The following PCNX1 variants were observed in gnomAD, a reference collection of about 807,000 sequenced individuals.
PCNX1 encodes pecanex-like protein 1.
In PCNX1, 78 loss-of-function variants were observed where a neutral mutation model predicts 242.2. The ratio of observed to expected loss-of-function variants is 0.32; its 90% CI spans 0.27 to 0.39. PCNX1 has a LOEUF of 0.39. Ranked by LOEUF, PCNX1 falls within the 10% of genes least tolerant of loss-of-function variation. The pLI is 1.00. For missense variants in PCNX1, 2,581 were observed against 2,856.5 expected (o/e 0.90, Z 2.20); for synonymous variants, 1,024 against 1,032.9 (o/e 0.99, Z 0.17).
intron 3 of PCNX1, 43 bp downstream of exon 3, chr14:70,962,374 T>C: frequency 9.9e-7 from 1 of 1,007,166 alleles, no homozygotes; most frequent in South Asian, 1.3e-5. Flanking sequence ...TCCCTCCTCC[T>C]GATGGTGGTC....
intron 16 of PCNX1, among the ~76,000 whole-genome samples, chr14:71,030,638 G>A (rs1279918973): frequency 6.6e-6 from 1 of 151,998 alleles, no homozygotes; most frequent in Non-Finnish European, 1.5e-5. Context: ...CAATCAAGAT[G>A]TTTCTTTTAA....
At chr14:70,923,405 T>C (rs1787063521) in intron 1 of PCNX1, among the ~76,000 whole-genome samples, 1 of 152,228 alleles carries the variant, frequency 6.6e-6, no homozygotes, top group Admixed American at 6.5e-5. Context: ...TTAAAGATTT[T>C]TTTAAAATTC....
At position 71,109,579 on chromosome 14, in the gene PCNX1, G is replaced by T. The variant is rs773003526; in HGVS notation, c.6872G>T (p.Gly2291Val). Residue 2291 changes from glycine (G) to valine (V), a missense_variant, in exon 35 of 36, where the codon GGC becomes GTC. By Grantham distance (109) the Gly-to-Val change is moderately radical. Transcript: ENST00000304743. ...NSWKDWSPQE[G>V]MEGHVIHRWV... is the part of the protein sequence containing the mutation. ...TGGAAAGACTGGAGTCCGCAGGAGG[G>T]CATGGAAGGCCATGTAAGTTCTTTT... 1.2e-6 allele frequency: 2 copies of T among 1,614,142 alleles called. No homozygotes were observed. Among genetic ancestry groups the T allele is most frequent in the Admixed American group, 1.7e-5 (1 of 60,010 alleles).
At chr14:71,014,014 G>A (rs1372420570) in intron 11 of PCNX1, among the ~76,000 whole-genome samples, 2 of 152,202 alleles carry the variant, frequency 1.3e-5, no homozygotes, top group African/African-American at 2.4e-5. Flanking sequence ...GTTCCTGTAT[G>A]TGAGGAAACT....
intron 28 of PCNX1, among the ~76,000 whole-genome samples, chr14:71,083,053 C>A (rs1487265432): frequency 2.0e-5 from 3 of 151,938 alleles, no homozygotes; most frequent in African/African-American, 7.3e-5. Context: ...ATGGTGGTGA[C>A]AAAAATCTCT....
At chr14:70,931,405 G>T (rs1237843689) in intron 1 of PCNX1, among the ~76,000 whole-genome samples, 1 of 152,214 alleles carries the variant, frequency 6.6e-6, no homozygotes, top group Admixed American at 6.5e-5. Context: ...TTTTTAGGCA[G>T]ACAGTAGAAA....
chr14:70,915,355 T>G (rs774558119), intron 1 of PCNX1, among the ~76,000 whole-genome samples: 1 of 152,210 alleles, frequency 6.6e-6, no homozygotes, highest in Admixed American at 6.5e-5. Flanking sequence ...GCTGTTCTGA[T>G]TTATTTGTCT....
chr14:70,959,084 A>G (rs2058103408), intron 2 of PCNX1, among the ~76,000 whole-genome samples: 1 of 150,802 alleles, frequency 6.6e-6, no homozygotes, highest in African/African-American at 2.4e-5. Context: ...AGGTAGAATT[A>G]GTAAAAAACT....
chr14:70,949,182 C>G (rs947984791), intron 2 of PCNX1, among the ~76,000 whole-genome samples: 1 of 134,280 alleles, frequency 7.4e-6, no homozygotes, highest in Non-Finnish European at 1.6e-5. Context: ...TTATACATCT[C>G]AGCATTTACT....
chr14:71,008,184 T>A (rs777763562), intron 8 of PCNX1, among the ~76,000 whole-genome samples: 10 of 152,218 alleles, frequency 6.6e-5, no homozygotes, highest in Non-Finnish European at 1.5e-4. Context: ...TTTTAAAGAA[T>A]GAAGTAATGC....
chr14:70,913,118 C>G (rs527904676), intron 1 of PCNX1, among the ~76,000 whole-genome samples: 2 of 152,228 alleles, frequency 1.3e-5, no homozygotes, highest in African/African-American at 4.8e-5. Context: ...ACTTCCATAC[C>G]TTGTAAGTTC....
At chr14:71,058,797 G>C (rs1307647800) in intron 26 of PCNX1, among the ~76,000 whole-genome samples, 1 of 152,192 alleles carries the variant, frequency 6.6e-6, no homozygotes, top group Non-Finnish European at 1.5e-5. Flanking sequence ...ATGTTTACTT[G>C]TGATCTGTTT....
At chr14:70,947,792 C>T (rs1015178044) in intron 2 of PCNX1, among the ~76,000 whole-genome samples, 7 of 152,238 alleles carry the variant, frequency 4.6e-5, no homozygotes, top group South Asian at 4.1e-4. Context: ...GCGGGCTGGG[C>T]GGAACAGAGT....
intron 34 of PCNX1, 55 bp from the exon 35 acceptor site, chr14:71,109,394 CATA>C (rs1157789315): frequency 1.2e-4 from 175 of 1,453,470 alleles, no homozygotes; most frequent in South Asian, 4.5e-4. Context: ...TTTGAGATTA[CATA>C]ATTTTTCATC....
At position 70,944,729 on chromosome 14, in the gene PCNX1, A is replaced by G. The variant is rs566697051; in HGVS notation, c.154-2186A>G. 4.6e-5 allele frequency among the ~76,000 whole-genome samples: 7 copies of G among 152,202 alleles called. No individual in the cohort carries two copies. The East Asian group carries it at 1.4e-3, about 29-fold the overall frequency. On this transcript the variant is annotated intron_variant, in intron 1 of 35. Transcript: ENST00000304743. Reference sequence around the variant, plus strand: ...CCAAATCTCACCTTGAATTGTGATAATCCCCATGTGTCTAGAGTAGGACCA... The same window carrying G: ...CCAAATCTCACCTTGAATTGTGATAGTCCCCATGTGTCTAGAGTAGGACCA...
At chr14:71,004,647 C>G (rs549475899) in intron 8 of PCNX1, among the ~76,000 whole-genome samples, 1 of 152,224 alleles carries the variant, frequency 6.6e-6, no homozygotes, top group South Asian at 2.1e-4. Context: ...GGGACCGTTG[C>G]ATTAACCAGT....
chr14:71,009,239 T>G (rs2059754988), intron 8 of PCNX1, among the ~76,000 whole-genome samples: 1 of 152,208 alleles, frequency 6.6e-6, no homozygotes, highest in Non-Finnish European at 1.5e-5. Context: ...GGGCTTGTAG[T>G]TTGAGCTATT....
chr14:71,064,273 A>G (rs1364327683), intron 26 of PCNX1, among the ~76,000 whole-genome samples: 2 of 152,136 alleles, frequency 1.3e-5, no homozygotes. Flanking sequence ...AATTATTAAT[A>G]TTGCTATAAT....
In PCNX1 at chr14:71,073,525, G is replaced by T. The variant is rs1004763273; in HGVS notation, c.4853-20G>T. The T allele has an allele frequency of 3.9e-6, 6 of 1,523,646 alleles. No homozygotes were observed. The highest frequency in any genetic ancestry group is 5.4e-6 in the Non-Finnish European group (6 of 1,117,396). 94.4% of individuals were successfully genotyped at this position (1,523,646 alleles called of 1,614,324 possible). A position where few individuals can be genotyped will look rare whatever the true frequency, so the allele number is the denominator to read the frequency against. The stretch of plus-strand genomic sequence containing the variant: ...CTTTCTGGTTTTCCCCCTTTGTAAA[G>T]CTCTCTCTCTCTCTCTAAGGTACCT... On this transcript the variant is annotated intron_variant, in intron 26 of 35. Coordinates refer to ENST00000304743, the MANE Select transcript of PCNX1 (RefSeq NM_014982.3).
Sources: gnomAD v4.1 joint callset for allele counts (sites outside exome capture counted in the v4.1 genomes callset) on GRCh38, gnomAD v4.1.1 for gene constraint, MANE v1.5 for transcripts, NCBI Gene and HGNC (gene_info 2026-07-23, HGNC 2026-07-21) for gene names.